ZBTB38: variants seen among roughly 807,000 people sequenced by gnomAD.
ZBTB38 encodes zinc finger and BTB domain containing 38.
Under a neutral mutation model 76.8 loss-of-function variants are expected in ZBTB38, and 20 were observed. The ratio of observed to expected loss-of-function variants is 0.26; its 90% CI spans 0.18 to 0.38. ZBTB38 has a LOEUF of 0.38. Among genes scored for constraint, ZBTB38 ranks in the 10% least tolerant of loss-of-function variants. ZBTB38 has a pLI of 1.00. For missense variants in ZBTB38, 1,082 were observed against 1,482.3 expected (o/e 0.73, Z 4.43); for synonymous variants, 504 against 544.2 (o/e 0.93, Z 1.03).
chr3:141,334,765 C>T (rs767859627), intron 1 of ZBTB38, among the ~76,000 whole-genome samples: 20 of 152,230 alleles, frequency 1.3e-4, no homozygotes, highest in South Asian at 4.2e-4. Flanking sequence ...CCCTGATTAA[C>T]GAGTTGATTC....
chr3:141,370,802 T>C (rs1363327465), intron 2 of ZBTB38, among the ~76,000 whole-genome samples: 1 of 152,208 alleles, frequency 6.6e-6, no homozygotes, highest in Admixed American at 6.5e-5. Context: ...CTCTTCTTCC[T>C]GGATCTAGTC....
intron 1 of ZBTB38, among the ~76,000 whole-genome samples, chr3:141,358,738 A>C (rs1168260790): frequency 6.6e-6 from 1 of 152,108 alleles, no homozygotes; most frequent in Admixed American, 6.5e-5. Flanking sequence ...CCCTATCTCC[A>C]TCCCAGCCCT....
At chr3:141,436,585 C>T (rs528367603) in intron 5 of ZBTB38, among the ~76,000 whole-genome samples, 18 of 152,240 alleles carry the variant, frequency 1.2e-4, no homozygotes, top group Non-Finnish European at 2.1e-4. Flanking sequence ...GCAACCTCCG[C>T]CTCCCAGGTT....
At position 141,327,795 on chromosome 3, in the gene ZBTB38, T is replaced by A. The variant is rs546113228; in HGVS notation, c.-739+3339T>A. ...ATGGGTATATGGGAATTCTTTGTAC[T>A]ATCTTGTCAACTTTTCTCAAAATCT... On this transcript the variant is annotated intron_variant, in intron 1 of 7. Coordinates refer to the ZBTB38 transcript ENST00000509842. Among the ~76,000 whole-genome samples, 7 of 152,372 alleles carry A rather than the reference T, an allele frequency of 4.6e-5. No homozygotes were observed. The South Asian group carries it at 1.4e-3, about 32-fold the overall frequency.
intron 1 of ZBTB38, among the ~76,000 whole-genome samples, chr3:141,353,454 C>T (rs1327271705): frequency 6.6e-6 from 1 of 151,860 alleles, no homozygotes; most frequent in Non-Finnish European, 1.5e-5. Flanking sequence ...TTGCTACTAA[C>T]CAAAAAGCAA....
chr3:141,355,943 T>A (rs1943647846), intron 1 of ZBTB38, among the ~76,000 whole-genome samples: 1 of 152,078 alleles, frequency 6.6e-6, no homozygotes, highest in South Asian at 2.1e-4. Flanking sequence ...GACACAAAAT[T>A]CAAAGCTAAG....
chr3:141,329,493 A>C (rs1386390675), intron 1 of ZBTB38, among the ~76,000 whole-genome samples: 2 of 152,258 alleles, frequency 1.3e-5, no homozygotes, highest in Non-Finnish European at 2.9e-5. Context: ...TGCCACAAGC[A>C]GAGTATTATA....
At chr3:141,344,179 A>G (rs1281586596) in intron 1 of ZBTB38, among the ~76,000 whole-genome samples, 2 of 152,098 alleles carry the variant, frequency 1.3e-5, no homozygotes, top group Non-Finnish European at 1.5e-5. Flanking sequence ...GTGGCTTAAC[A>G]CACACAGTTA....
In ZBTB38 at chr3:141,442,586, A is replaced by C. The variant is rs771079316; in HGVS notation, c.198A>C (p.Thr66=). The part of the protein sequence containing the change: ...LYFKNIFWSH[T]ICISSHVLEL... ...TTAAAAATATCTTTTGGAGCCATAC[A>C]ATCTGTATTTCCAGCCACGTCCTGG... The change falls in exon 6 of 6, where the codon ACA becomes ACC. Residue 66 remains threonine (T), a synonymous_variant. Transcript: ENST00000321464. The surrounding 1 kb of genome is among the most constrained non-coding windows in gnomAD (Gnocchi z 6.4). The C allele has an allele frequency of 6.2e-7, 1 of 1,614,204 alleles. No individual in the cohort carries two copies. The highest frequency in any genetic ancestry group is 1.1e-5 in the South Asian group (1 of 91,082).
chr3:141,426,041 C>T (rs1324016095), intron 5 of ZBTB38: 18 of 883,266 alleles, frequency 2.0e-5, no homozygotes, highest in Non-Finnish European at 4.8e-6. Context: ...ATGTAGGTGA[C>T]TTCCTCCTGT....
At chr3:141,372,357 G>A (rs1320394026) in intron 2 of ZBTB38, among the ~76,000 whole-genome samples, 1 of 152,052 alleles carries the variant, frequency 6.6e-6, no homozygotes, top group African/African-American at 2.4e-5. Flanking sequence ...CTAATGATAA[G>A]ACCAGGTTGG....
chr3:141,398,673 C>A (rs1202928006), intron 4 of ZBTB38, among the ~76,000 whole-genome samples: 4 of 151,938 alleles, frequency 2.6e-5, no homozygotes, highest in African/African-American at 7.3e-5. Context: ...TCTTGTAACA[C>A]TTCTATAAGT....
At chr3:141,377,148 C>A (rs1945491573) in intron 2 of ZBTB38, among the ~76,000 whole-genome samples, 1 of 152,260 alleles carries the variant, frequency 6.6e-6, no homozygotes, top group Non-Finnish European at 1.5e-5. Flanking sequence ...AGAGGCACTG[C>A]CTCAAAGAGG....
In ZBTB38 at chr3:141,398,030, A is replaced by G. The variant is rs572795216; in HGVS notation, c.-105-5897A>G. Among the ~76,000 whole-genome samples the G allele has an allele frequency of 2.0e-4, 30 of 152,358 alleles. 1 individual carries two copies. The South Asian group carries it at 5.8e-3, about 29-fold the overall frequency. Reference sequence around the variant, plus strand: ...AAAAGACGCAGTATCTACAAACCCGATAAAGTGGAGTGCAATAAAACGAGC... The same window carrying G: ...AAAAGACGCAGTATCTACAAACCCGGTAAAGTGGAGTGCAATAAAACGAGC... On this transcript the variant is annotated intron_variant, in intron 4 of 5. Coordinates refer to ENST00000321464, the MANE Select transcript of ZBTB38 (RefSeq NM_001376113.1).
intron 5 of ZBTB38, among the ~76,000 whole-genome samples, chr3:141,406,265 G>A (rs1299393540): frequency 6.6e-6 from 1 of 152,148 alleles, no homozygotes; most frequent in East Asian, 1.9e-4. Flanking sequence ...GGGGGAGATC[G>A]GGAGGAGAGG....
chr3:141,436,926 GC>G (rs1438951084), intron 5 of ZBTB38, among the ~76,000 whole-genome samples: 2 of 152,204 alleles, frequency 1.3e-5, no homozygotes, highest in Non-Finnish European at 2.9e-5. Context: ...CTTACAGTGG[GC>G]CTCCTTTGGT....
At chr3:141,410,882 CTG>C (rs1956394978) in intron 5 of ZBTB38, among the ~76,000 whole-genome samples, 1 of 152,180 alleles carries the variant, frequency 6.6e-6, no homozygotes, top group Non-Finnish European at 1.5e-5. Context: ...CTGGCCACTA[CTG>C]TGAGTGTTCA....
upstream of ZBTB38, chr3:141,366,751 A>G (rs1943984781): frequency 6.6e-6 from 1 of 152,202 alleles, no homozygotes; most frequent in Non-Finnish European, 1.5e-5. Context: ...TGTGTTATCA[A>G]GGAGGCCTCC....
At chr3:141,345,654 T>C (rs1208104625) in intron 1 of ZBTB38, among the ~76,000 whole-genome samples, 1 of 152,172 alleles carries the variant, frequency 6.6e-6, no homozygotes, top group African/African-American at 2.4e-5. Flanking sequence ...CTTCCCTGTG[T>C]TGGCATATTA....
Sources: allele counts gnomAD v4.1 joint callset (sites outside exome capture counted in the v4.1 genomes callset), GRCh38; gene constraint gnomAD v4.1.1; non-coding constraint Gnocchi (gnomAD v3.1); transcripts MANE v1.5; gene names NCBI Gene and HGNC (gene_info 2026-07-23, HGNC 2026-07-21).